Variants in ZNRF2 observed in about 807,000 individuals in gnomAD.
ZNRF2 encodes the protein E3 ubiquitin-protein ligase ZNRF2.
Under a neutral mutation model 20.4 loss-of-function variants are expected in ZNRF2, and 16 were observed. The observed-to-expected ratio is 0.79, with a 90% confidence interval of 0.53 to 1.19. The LOEUF is 1.19. Among genes scored for constraint, ZNRF2 ranks in the 50% most tolerant of loss-of-function variants. The pLI is 0.00. For synonymous variants in ZNRF2, 178 were observed against 144.9 expected (o/e 1.23, Z -1.64); for missense variants, 363 against 332.4 (o/e 1.09, Z -0.72).
At chr7:30,304,466 A>G (rs1437078648) in intron 1 of ZNRF2, among the ~76,000 whole-genome samples, 1 of 152,230 alleles carries the variant, frequency 6.6e-6, no homozygotes, top group African/African-American at 2.4e-5. Flanking sequence ...TGGCTTGTAA[A>G]TGATATTAGT....
At chr7:30,303,139 C>T (rs955456393) in intron 1 of ZNRF2, among the ~76,000 whole-genome samples, 4 of 151,610 alleles carry the variant, frequency 2.6e-5, no homozygotes, top group Non-Finnish European at 4.4e-5. Flanking sequence ...AACAATTATC[C>T]GGGCGTGGTA....
At chr7:30,356,261 G>A (rs922413129) in intron 3 of ZNRF2, among the ~76,000 whole-genome samples, 1 of 150,298 alleles carries the variant, frequency 6.7e-6, no homozygotes. Context: ...TGCTTTTAGA[G>A]TGATACAGGA....
At chr7:30,293,557 T>C (rs541799713) in intron 1 of ZNRF2, among the ~76,000 whole-genome samples, 2 of 152,160 alleles carry the variant, frequency 1.3e-5, no homozygotes, top group Non-Finnish European at 2.9e-5. Context: ...CTTAGAAATT[T>C]ATCAGCGACA....
intron 1 of ZNRF2, among the ~76,000 whole-genome samples, chr7:30,302,992 A>G (rs1318073626): frequency 6.6e-6 from 1 of 152,208 alleles, no homozygotes; most frequent in African/African-American, 2.4e-5. Context: ...GTAATAAAGA[A>G]GTCTAAGGCT....
At chr7:30,317,999 G>A (rs1304676873) in intron 1 of ZNRF2, among the ~76,000 whole-genome samples, 2 of 152,132 alleles carry the variant, frequency 1.3e-5, no homozygotes, top group Non-Finnish European at 2.9e-5. Context: ...GTAGGGGAGT[G>A]TTAAGCCTAT....
intron 2 of ZNRF2, among the ~76,000 whole-genome samples, chr7:30,325,680 C>T (rs1348651925): frequency 1.3e-5 from 2 of 152,172 alleles, no homozygotes; most frequent in African/African-American, 2.4e-5. Context: ...GGTGCTTCAG[C>T]CACCCTATTA....
At chr7:30,360,217 G>A (rs1307131946) in intron 3 of ZNRF2, among the ~76,000 whole-genome samples, 2 of 152,184 alleles carry the variant, frequency 1.3e-5, no homozygotes, top group Non-Finnish European at 2.9e-5. Flanking sequence ...CTTTCATTGA[G>A]AAAGCCTTGC....
intron 2 of ZNRF2, among the ~76,000 whole-genome samples, chr7:30,330,435 G>T (rs6979671): frequency 0.12 from 18,012 of 152,102 alleles, 2,877 homozygotes; most frequent in African/African-American, 0.37. Context: ...GCTGCCAATT[G>T]CTACACTGTC....
chr7:30,285,640 C>A lies in ZNRF2; in HGVS notation c.283C>A (p.Arg95Ser). Residue 95 changes from arginine to serine, a missense_variant, in exon 1 of 5, where the codon CGC becomes AGC. Physicochemically the swap from Arg to Ser is moderately radical, Grantham distance 110. This residue lies in a region of ZNRF2 where 302 missense variants were observed against 231.5 expected (regional missense o/e 1.30). Coordinates refer to ENST00000323037, the MANE Select transcript of ZNRF2 (RefSeq NM_147128.4). ...GAVGSVASGA[R>S]AAQSPFSIPN... ...CGTGGGGAGCGTGGCGTCGGGGGCCCGCGCGGCGCAGTCCCCCTTCAGCAT... is the reference window on the plus strand; with the variant it reads ...CGTGGGGAGCGTGGCGTCGGGGGCCAGCGCGGCGCAGTCCCCCTTCAGCAT... 1.6e-6 allele frequency: 2 copies of A among 1,275,170 alleles called. No homozygotes were observed. Among genetic ancestry groups the A allele is most frequent in the East Asian group, 3.2e-5 (1 of 31,396 alleles). The allele number at this position is 1,275,170 out of a possible 1,614,324, so 79.0% of individuals were successfully genotyped here.
At position 30,359,030 on chromosome 7, in the gene ZNRF2, GGAGA is replaced by G. The variant is rs138951458; in HGVS notation, c.671+3200_671+3203del. 7.3e-3 allele frequency among the ~76,000 whole-genome samples: 1,104 copies of G among 152,250 alleles called. 15 individuals are homozygous for G. The highest frequency in any genetic ancestry group is 0.025 in the African/African-American group (1,059 of 41,540). Reference sequence around the variant, plus strand: ...TTGCCAGAGACGAAATTACAGTATAGGAGAGAAAGAATGAACTATTCAATAAATG... The same window carrying G: ...TTGCCAGAGACGAAATTACAGTATAGGAAAGAATGAACTATTCAATAAATG... On this transcript the variant is annotated intron_variant, in intron 3 of 4. Transcript: ENST00000323037.
At chr7:30,302,574 A>G (rs536934887) in intron 1 of ZNRF2, among the ~76,000 whole-genome samples, 1 of 151,932 alleles carries the variant, frequency 6.6e-6, no homozygotes, top group African/African-American at 2.4e-5. Flanking sequence ...TTACCAAATT[A>G]GTGTATATAT....
At chr7:30,362,033 A>G (rs1800134711) in intron 3 of ZNRF2, among the ~76,000 whole-genome samples, 1 of 152,344 alleles carries the variant, frequency 6.6e-6, no homozygotes, top group East Asian at 1.9e-4. Flanking sequence ...GAACAGGTTG[A>G]TAATGTGCAT....
intron 3 of ZNRF2, among the ~76,000 whole-genome samples, chr7:30,357,469 C>A (rs538044398): frequency 6.6e-6 from 1 of 152,164 alleles, no homozygotes; most frequent in East Asian, 1.9e-4. Flanking sequence ...TAGAGTGATC[C>A]TCACAAGGTT....
intron 1 of ZNRF2, among the ~76,000 whole-genome samples, chr7:30,290,328 C>A (rs1798878274): frequency 6.6e-6 from 1 of 152,206 alleles, no homozygotes; most frequent in South Asian, 2.1e-4. Flanking sequence ...TGGTTCTAAG[C>A]AACACGTTTA....
At chr7:30,298,232 ATATATG>A (rs1799050022) in intron 1 of ZNRF2, among the ~76,000 whole-genome samples, 1 of 152,026 alleles carries the variant, frequency 6.6e-6, no homozygotes, top group African/African-American at 2.4e-5. Flanking sequence ...CTGTTTGTGT[ATATATG>A]TATGTGTATG....
At chr7:30,365,459 G>A (rs1353444974) in intron 4 of ZNRF2, among the ~76,000 whole-genome samples, 3 of 152,238 alleles carry the variant, frequency 2.0e-5, no homozygotes, top group Non-Finnish European at 2.9e-5. Flanking sequence ...TGAACCAATG[G>A]AGTCTGCTTC....
intron 1 of ZNRF2, among the ~76,000 whole-genome samples, chr7:30,290,153 T>C (rs543726681): frequency 3.3e-5 from 5 of 152,376 alleles, no homozygotes; most frequent in Non-Finnish European, 5.9e-5. Flanking sequence ...AGAACTGTTA[T>C]TTGAAATGTT....
At chr7:30,298,001 A>G (rs1399117367) in intron 1 of ZNRF2, among the ~76,000 whole-genome samples, 1 of 152,052 alleles carries the variant, frequency 6.6e-6, no homozygotes, top group Non-Finnish European at 1.5e-5. Context: ...AGTAGTTGGG[A>G]CCACAGGTGC....
At chr7:30,356,699 ATTTTTTT>A in intron 3 of ZNRF2, among the ~76,000 whole-genome samples, 1 of 73,232 alleles carries the variant, frequency 1.4e-5, no homozygotes, top group Non-Finnish European at 2.6e-5. Context: ...ATAACATTGT[ATTTTTTT>A]TTTTTTTTTT....
Sources: gnomAD v4.1 joint callset for allele counts (sites outside exome capture counted in the v4.1 genomes callset) on GRCh38, gnomAD v4.1.1 for gene constraint, gnomAD v4.1.1 regional missense constraint, MANE v1.5 for transcripts, NCBI Gene and HGNC (gene_info 2026-07-23, HGNC 2026-07-21) for gene names.